DSCAM: variants seen among roughly 807,000 people sequenced by gnomAD.
The protein encoded by DSCAM is DS cell adhesion molecule, also known as cell adhesion molecule DSCAM.
DSCAM carries 47 observed loss-of-function variants against 217.7 expected under a neutral mutation model. The ratio of observed to expected loss-of-function variants is 0.22; its 90% CI spans 0.17 to 0.28. The LOEUF is 0.28. DSCAM is among the 10% of genes least tolerant of loss of function. DSCAM has a pLI of 1.00. For synonymous variants in DSCAM, 1,056 were observed against 1,015.3 expected, an observed-to-expected ratio of 1.04 and a Z score of -0.76; for missense variants, 2,080 against 2,618.3, an observed-to-expected ratio of 0.79 and a Z score of 4.49.
chr21:40,578,213 A>C (rs989500398), intron 3 of DSCAM, among the ~76,000 whole-genome samples: 2 of 152,164 alleles, frequency 1.3e-5, no homozygotes, highest in African/African-American at 4.8e-5. Context: ...CCTTCTGTGA[A>C]TAGCCCAGAG....
At chr21:40,048,656 A>G (rs879857681) in intron 30 of DSCAM, among the ~76,000 whole-genome samples, 2 of 152,242 alleles carry the variant, frequency 1.3e-5, no homozygotes, top group Non-Finnish European at 2.9e-5. Context: ...TTGCAATGAC[A>G]ACACAGTCCT....
In DSCAM at chr21:40,083,921, G is replaced by A; in HGVS notation, c.4218C>T (p.Gly1406=). The A allele has an allele frequency of 6.2e-7, 1 of 1,613,170 alleles. No homozygotes were observed. Among genetic ancestry groups the A allele is most frequent in the Non-Finnish European group, 8.5e-7 (1 of 1,179,452 alleles). The change falls in exon 24 of 33, where the codon GGC becomes GGT. Residue 1406 remains glycine, a synonymous_variant. Coordinates refer to ENST00000400454, the MANE Select transcript of DSCAM (RefSeq NM_001389.5). ...TLSWLPGDNG[G]SSIRGYILQY... is the part of the protein sequence containing the mutation. Reference sequence around the variant, plus strand: ...ATATCTTATTACCTCTGATAGAGCTGCCCCCGTTGTCTCCAGGGAGCCAAG... The same window carrying A: ...ATATCTTATTACCTCTGATAGAGCTACCCCCGTTGTCTCCAGGGAGCCAAG...
intron 11 of DSCAM, among the ~76,000 whole-genome samples, chr21:40,255,825 G>A (rs1251257011): frequency 6.6e-6 from 1 of 152,202 alleles, no homozygotes; most frequent in East Asian, 1.9e-4. Context: ...AGCGATGTCT[G>A]TCTCACAGCC....
intron 3 of DSCAM, among the ~76,000 whole-genome samples, chr21:40,534,709 T>C (rs528782775): frequency 5.9e-5 from 9 of 152,340 alleles, no homozygotes; most frequent in African/African-American, 2.2e-4. Context: ...TGATATAGAG[T>C]GATATATTTT....
intron 10 of DSCAM, among the ~76,000 whole-genome samples, chr21:40,278,463 C>T (rs114511195): frequency 0.03 from 4,515 of 152,228 alleles, 211 homozygotes; most frequent in African/African-American, 0.1. Flanking sequence ...CAGGCCATGA[C>T]AGCTCACACC....
intron 1 of DSCAM, among the ~76,000 whole-genome samples, chr21:40,739,095 G>T (rs1020836440): frequency 6.6e-6 from 1 of 152,172 alleles, no homozygotes; most frequent in African/African-American, 2.4e-5. Context: ...TTTTAATGTG[G>T]TATTATTTGT....
intron 3 of DSCAM, among the ~76,000 whole-genome samples, chr21:40,572,355 T>C (rs1254962228): frequency 1.3e-5 from 2 of 152,098 alleles, no homozygotes; most frequent in East Asian, 3.8e-4. Flanking sequence ...AAAAAGTTAA[T>C]TGCTGGATTA....
intron 19 of DSCAM, among the ~76,000 whole-genome samples, chr21:40,125,676 T>C (rs2090085625): frequency 6.6e-6 from 1 of 152,182 alleles, no homozygotes; most frequent in East Asian, 1.9e-4. Flanking sequence ...TTTTGGCAAG[T>C]CTTGCTAACA....
rs1398618678 is a variant in DSCAM, at chr21:40,042,381, T to G, written c.5676A>C (p.Ala1892=). The change falls in exon 32 of 33, where the codon GCA becomes GCC. Residue 1892 remains alanine, a synonymous_variant. Transcript: ENST00000400454. ...GCCTTGCTCACCTACCTGGCCGATG[T>G]GCCTTTGGAACTGCCATATTCATTA... ...GRVMNMAVPK[A]HRPGDLIHLP... 3.7e-6 allele frequency: 6 copies of G among 1,613,480 alleles called. No homozygotes were observed. The South Asian group carries it at 6.6e-5, about 18-fold the overall frequency.
intron 3 of DSCAM, among the ~76,000 whole-genome samples, chr21:40,541,934 T>C (rs1050432336): frequency 2.0e-5 from 3 of 152,208 alleles, no homozygotes; most frequent in Non-Finnish European, 2.9e-5. Context: ...TATTTTGGGA[T>C]AACTTGCAGT....
At chr21:40,414,570 A>T (rs1447014016) in intron 3 of DSCAM, among the ~76,000 whole-genome samples, 1 of 152,196 alleles carries the variant, frequency 6.6e-6, no homozygotes, top group Non-Finnish European at 1.5e-5. Flanking sequence ...ACATTTTGAT[A>T]TTGCTTAGTC....
chr21:40,831,490 GT>G (rs1015313001), intron 1 of DSCAM, among the ~76,000 whole-genome samples: 8 of 152,158 alleles, frequency 5.3e-5, no homozygotes. Context: ...TAATTTGGGT[GT>G]TTTTTCAGAA....
intron 3 of DSCAM, among the ~76,000 whole-genome samples, chr21:40,580,202 C>T (rs978802257): frequency 1.3e-5 from 2 of 151,934 alleles, no homozygotes; most frequent in Admixed American, 1.3e-4. Flanking sequence ...CTGCCTCAGC[C>T]TCTCGAGTAG....
chr21:40,326,410 C>T (rs868013383), intron 8 of DSCAM, among the ~76,000 whole-genome samples: 2 of 152,176 alleles, frequency 1.3e-5, no homozygotes, highest in South Asian at 2.1e-4. Context: ...ACAAAATAGA[C>T]ACATCAGTGT....
At chr21:40,593,413 C>T (rs982454757) in intron 3 of DSCAM, among the ~76,000 whole-genome samples, 2 of 151,984 alleles carry the variant, frequency 1.3e-5, no homozygotes, top group Non-Finnish European at 2.9e-5. Flanking sequence ...GCAACCTCTG[C>T]CTCCTGGGTC....
chr21:40,712,420 G>A (rs1050162503), intron 1 of DSCAM, among the ~76,000 whole-genome samples: 2 of 129,938 alleles, frequency 1.5e-5, no homozygotes, highest in East Asian at 2.3e-4. Flanking sequence ...CCGAGATTGC[G>A]CCACTGCAGT....
Position 40,078,830 on chromosome 21 carries a change from G to A in DSCAM, c.4568C>T (p.Thr1523Ile), listed in dbSNP as rs2089409387. The A allele has an allele frequency of 1.2e-6, 2 of 1,614,260 alleles. No individual in the cohort carries two copies. Among genetic ancestry groups the A allele is most frequent in the Non-Finnish European group, 1.7e-6 (2 of 1,180,050 alleles). Residue 1523 changes from threonine (T) to isoleucine (I), a missense_variant, in exon 26 of 33, where the codon ACA (threonine) becomes ATA (isoleucine). By Grantham distance (89) the Thr-to-Ile change is moderately conservative (BLOSUM62 -1). Coordinates refer to ENST00000400454, the MANE Select transcript of DSCAM (RefSeq NM_001389.5). ...CTTGGAGAGAGAGGTCCTCTGAGCT[G>A]TGGTCCAAACTGTGGTCCCAAAGGG... Reference protein sequence around the residue: ...YRPFGTTVWTTAQRTSLSKSY... With the variant: ...YRPFGTTVWTIAQRTSLSKSY...
chr21:40,231,620 A>G (rs1324936388), intron 11 of DSCAM, among the ~76,000 whole-genome samples: 1 of 148,582 alleles, frequency 6.7e-6, no homozygotes, highest in Non-Finnish European at 1.5e-5. Flanking sequence ...CTCCCACGTC[A>G]GCCTCCCAAG....
chr21:40,306,354 G>A (rs1202741333), intron 9 of DSCAM, among the ~76,000 whole-genome samples: 2 of 150,934 alleles, frequency 1.3e-5, no homozygotes, highest in African/African-American at 4.9e-5. Context: ...TGAGACGATG[G>A]GGTTTTCTAG....
Sources: gnomAD v4.1 joint callset for allele counts (sites outside exome capture counted in the v4.1 genomes callset) on GRCh38, gnomAD v4.1.1 for gene constraint, MANE v1.5 for transcripts, NCBI Gene and HGNC (gene_info 2026-07-23, HGNC 2026-07-21) for gene names.